TSNAXIP1: variants seen among roughly 807,000 people sequenced by gnomAD.
The protein encoded by TSNAXIP1 is translin associated factor X interacting protein 1, also known as translin-associated factor X-interacting protein 1.
A neutral mutation model predicts 84.8 loss-of-function variants in TSNAXIP1; 89 were observed. That is an observed-to-expected ratio of 1.05 (90% CI 0.88 to 1.25). TSNAXIP1 has a LOEUF of 1.25. TSNAXIP1 is among the 50% of genes most tolerant of loss of function. TSNAXIP1 has a pLI of 0.00. For missense variants in TSNAXIP1, 874 were observed against 887.6 expected, an observed-to-expected ratio of 0.98 and a Z score of 0.20; for synonymous variants, 347 against 335.2, an observed-to-expected ratio of 1.04 and a Z score of -0.39.
At position 67,825,578 on chromosome 16, in the gene TSNAXIP1, G is replaced by A. The variant is rs748500846; in HGVS notation, c.815-89G>A. On this transcript the variant is annotated intron_variant, in intron 7 of 15. Coordinates refer to ENST00000561639, the MANE Select transcript of TSNAXIP1 (RefSeq NM_001288990.3). ...CTGGTAGTGCTGTGGGCAAGAACCA[G>A]GGAACCCCAAACAGGAAGGGCAGAG... 153 of 1,507,922 alleles carry A rather than the reference G, an allele frequency of 1.0e-4. 1 individual carries two copies. The highest frequency in any genetic ancestry group is 1.3e-4 in the Non-Finnish European group (145 of 1,120,916). The allele number at this position is 1,507,922 out of a possible 1,614,324, so 93.4% of individuals were successfully genotyped here.
intron 1 of TSNAXIP1, chr16:67,807,503 C>A: frequency 1.0e-6 from 1 of 976,798 alleles, no homozygotes; most frequent in Non-Finnish European, 1.4e-6. Context: ...CTCGTTCTGT[C>A]GCCCAGGCTG....
chr16:67,820,309 A>G (rs1288708042), intron 2 of TSNAXIP1, among the ~76,000 whole-genome samples: 2 of 152,168 alleles, frequency 1.3e-5, no homozygotes, highest in African/African-American at 4.8e-5. Context: ...GACTACCATC[A>G]TCCCTATTTT....
At position 67,814,359 on chromosome 16, in the gene TSNAXIP1, G is replaced by A; in HGVS notation, c.105G>A (p.Lys35=). Residue 35 remains lysine (K), a synonymous_variant, in exon 2 of 16, where the codon AAG becomes AAA. Coordinates refer to ENST00000561639, the MANE Select transcript of TSNAXIP1 (RefSeq NM_001288990.3). ...ACGAATCCTTTCTCACAGAAGACAAGAGCACCCAGAATCGCAAGCTTCTTC... is the reference window on the plus strand; with the variant it reads ...ACGAATCCTTTCTCACAGAAGACAAAAGCACCCAGAATCGCAAGCTTCTTC... ...TIDESFLTED[K]STQNRKLLQK... The A allele has an allele frequency of 1.3e-6, 2 of 1,536,044 alleles. No individual in the cohort carries two copies. The highest frequency in any genetic ancestry group is 1.7e-6 in the Non-Finnish European group (2 of 1,146,896).
rs973895716 is a variant in TSNAXIP1 at position 67,812,409 on chromosome 16, C to T, written c.48-1893C>T. ...TAGGCCGGGCACGGTGGCTCACACC[C>T]GTAATCCCAGCACTTTGGAAGGCTG... On this transcript the variant is annotated intron_variant, in intron 1 of 15. Transcript: ENST00000561639. 2.0e-4 allele frequency among the ~76,000 whole-genome samples: 31 copies of T among 151,810 alleles called. 1 individual carries two copies. Among genetic ancestry groups the T allele is most frequent in the Admixed American group, 2.0e-3 (31 of 15,216 alleles).
chr16:67,823,562 A>G (rs1267411858), intron 4 of TSNAXIP1, 64 bp from the exon 5 acceptor site: 2 of 1,363,114 alleles, frequency 1.5e-6, no homozygotes, highest in Non-Finnish European at 2.1e-6. Flanking sequence ...GAAAAAGAAA[A>G]ACAGTTCCCC....
intron 2 of TSNAXIP1, among the ~76,000 whole-genome samples, chr16:67,815,241 G>C (rs2056438591): frequency 6.9e-6 from 1 of 144,496 alleles, no homozygotes; most frequent in Admixed American, 7.1e-5. Flanking sequence ...TTTAACCTGG[G>C]ACGTGGAGGT....
chr16:67,819,230 T>C (rs146232899), intron 2 of TSNAXIP1, among the ~76,000 whole-genome samples: 77 of 150,478 alleles, frequency 5.1e-4, no homozygotes, highest in African/African-American at 1.9e-3. Context: ...AATAATTACA[T>C]CCATTTTGAT....
chr16:67,826,370 G>A, intron 10 of TSNAXIP1, 67 bp from the exon 11 acceptor site: 1 of 1,607,848 alleles, frequency 6.2e-7, no homozygotes, highest in Non-Finnish European at 8.5e-7. Flanking sequence ...AACCAACTGG[G>A]GATCTTCCCT....
intron 2 of TSNAXIP1, 110 bp from the exon 3 acceptor site, chr16:67,820,729 G>A (rs987289884): frequency 2.0e-5 from 16 of 791,940 alleles, no homozygotes; most frequent in Non-Finnish European, 3.2e-5. Context: ...GGGCAACAGA[G>A]CAAGACTGTC....
At chr16:67,816,316 G>A (rs1169934110) in intron 2 of TSNAXIP1, among the ~76,000 whole-genome samples, 1 of 152,092 alleles carries the variant, frequency 6.6e-6, no homozygotes, top group African/African-American at 2.4e-5. Context: ...TATGATCATA[G>A]GATTGTTATT....
chr16:67,814,454 C>T (rs1370156459), intron 2 of TSNAXIP1, 53 bp downstream of exon 2: 8 of 1,428,818 alleles, frequency 5.6e-6, no homozygotes, highest in East Asian at 2.5e-5. Flanking sequence ...AGACCCTATC[C>T]GTCTCCCTTC....
At chr16:67,813,731 CAAAAAAAAAA>C (rs373627128) in intron 1 of TSNAXIP1, among the ~76,000 whole-genome samples, 5 of 41,208 alleles carry the variant, frequency 1.2e-4, no homozygotes, top group African/African-American at 2.0e-4. Context: ...GACTCCGTCT[CAAAAAAAAAA>C]AAAAAAAAAA....
chr16:67,824,781 T>A lies in TSNAXIP1; in HGVS notation c.678+2T>A, dbSNP rs1368735703. The A allele has an allele frequency of 6.2e-7, 1 of 1,612,522 alleles. No homozygotes were observed. Among genetic ancestry groups the A allele is most frequent in the Non-Finnish European group, 8.5e-7 (1 of 1,179,132 alleles). On this transcript the variant is annotated splice_donor_variant, in intron 6 of 15. Transcript: ENST00000561639. LOFTEE classifies it high-confidence loss of function. ...GAGAAGATTTCATTGCAGAGCGAGGTGAATGGAAGTGGTGTGATGATGACC... is the reference window on the plus strand; with the variant it reads ...GAGAAGATTTCATTGCAGAGCGAGGAGAATGGAAGTGGTGTGATGATGACC...
intron 2 of TSNAXIP1, among the ~76,000 whole-genome samples, chr16:67,817,557 A>G (rs1235599071): frequency 1.6e-4 from 21 of 135,014 alleles, no homozygotes; most frequent in East Asian, 4.8e-4. Flanking sequence ...TGGGATTACA[A>G]GCGTAAGCCA....
chr16:67,819,139 C>A (rs758547776), intron 2 of TSNAXIP1, among the ~76,000 whole-genome samples: 1 of 151,984 alleles, frequency 6.6e-6, no homozygotes, highest in African/African-American at 2.4e-5. Context: ...TACTGTACTG[C>A]ACTCCAGCTT....
chr16:67,827,711 GAGGAGGGGTC>G (rs2057575949), intron 15 of TSNAXIP1, 32 bp from the exon 16 acceptor site: 1 of 1,612,380 alleles, frequency 6.2e-7, no homozygotes, highest in Admixed American at 1.7e-5. Context: ...GGGGCACGGA[GAGGAGGGGTC>G]AGGGCCTGTC....
chr16:67,808,045 TTA>T (rs1162983676), intron 1 of TSNAXIP1, among the ~76,000 whole-genome samples: 1 of 152,120 alleles, frequency 6.6e-6, no homozygotes, highest in Non-Finnish European at 1.5e-5. Flanking sequence ...AGGCCTCAGC[TTA>T]TATATCTCAA....
At position 67,826,504 on chromosome 16, in the gene TSNAXIP1, A is replaced by C; in HGVS notation, c.1343A>C (p.Lys448Thr). 1 of 1,614,144 alleles carries C rather than the reference A, an allele frequency of 6.2e-7. No individual in the cohort carries two copies. The highest frequency in any genetic ancestry group is 8.5e-7 in the Non-Finnish European group (1 of 1,180,006). ...CTCGTGGAGAACAAGAAGCCAAGCA[A>C]GAAGGACGTGGTCAACCTCCTCAAG... ...DGLVENKKPS[K>T]KDVVNLLKDA... The change falls in exon 11 of 16, where the codon AAG (lysine) becomes ACG (threonine). Residue 448 changes from lysine to threonine, a missense_variant. Physicochemically the swap from Lys to Thr is moderately conservative, Grantham distance 78 (BLOSUM62 -1). Transcript: ENST00000561639.
In TSNAXIP1 at chr16:67,820,900, C is replaced by G; in HGVS notation, c.209C>G (p.Thr70Ser). 6.2e-7 allele frequency: 1 copy of G among 1,604,814 alleles called. No homozygotes were observed. The highest frequency in any genetic ancestry group is 2.2e-5 in the East Asian group (1 of 44,838). ...SPWPTYTSGQ[T>S]ILQNRKPCSD... ...TGGCCCACATACACCAGTGGCCAGA[C>G]CATTTTGCAAAATCGAAAACCCTGT... Residue 70 changes from threonine to serine, a missense_variant, in exon 3 of 16, where the codon ACC (threonine) becomes AGC (serine). Thr to Ser is a moderately conservative substitution (Grantham distance 58, BLOSUM62 1). Coordinates refer to ENST00000561639, the MANE Select transcript of TSNAXIP1 (RefSeq NM_001288990.3).
Sources: gnomAD v4.1 joint callset for allele counts (sites outside exome capture counted in the v4.1 genomes callset) on GRCh38, gnomAD v4.1.1 for gene constraint, MANE v1.5 for transcripts, NCBI Gene and HGNC (gene_info 2026-07-23, HGNC 2026-07-21) for gene names.